The following RAB6B variants were observed in gnomAD, a reference collection of about 807,000 sequenced individuals.
RAB6B encodes the protein ras-related protein Rab-6B.
A neutral mutation model predicts 31.2 loss-of-function variants in RAB6B; 7 were observed. The ratio of observed to expected loss-of-function variants is 0.22; its 90% confidence interval spans 0.13 to 0.42. RAB6B has a LOEUF of 0.42. RAB6B is among the 10% of genes least tolerant of loss of function. The probability of loss-of-function intolerance (pLI) is 1.00; values close to 1 mark genes in which losing one functional copy is unlikely to be tolerated. For missense variants in RAB6B, 149 were observed against 280.6 expected (o/e 0.53, Z 3.35); for synonymous variants, 105 against 104.9 (o/e 1.00, Z -0.01).
intron 2 of RAB6B, among the ~76,000 whole-genome samples, chr3:133,855,433 T>G (rs1377969170): frequency 6.6e-6 from 1 of 152,252 alleles, no homozygotes; most frequent in Non-Finnish European, 1.5e-5. Flanking sequence ...ACCACCCAAT[T>G]TAAATATGTG....
At chr3:133,862,873 G>A (rs1403273814) in intron 2 of RAB6B, among the ~76,000 whole-genome samples, 5 of 152,118 alleles carry the variant, frequency 3.3e-5, no homozygotes, top group South Asian at 2.1e-4. Flanking sequence ...TTTTCAATGG[G>A]ACACTAACAA....
chr3:133,851,249 G>A (rs1293526861), intron 2 of RAB6B, among the ~76,000 whole-genome samples: 1 of 152,226 alleles, frequency 6.6e-6, no homozygotes, highest in Non-Finnish European at 1.5e-5. Context: ...GTAAATACAT[G>A]CATGGGTCAA....
At chr3:133,884,907 G>A (rs1321819378) in intron 1 of RAB6B, among the ~76,000 whole-genome samples, 6 of 117,474 alleles carry the variant, frequency 5.1e-5, no homozygotes, top group Non-Finnish European at 1.7e-5. Flanking sequence ...AGGACGGGGG[G>A]GCTTATATAT....
At chr3:133,864,486 G>T (rs1016762156) in intron 2 of RAB6B, 98 bp downstream of exon 2, 34 of 1,238,592 alleles carry the variant, frequency 2.7e-5, no homozygotes, top group Middle Eastern at 2.0e-4. Flanking sequence ...GACAGCCTGG[G>T]AACCCAGGGC....
At chr3:133,842,750 C>G (rs765519969) in intron 2 of RAB6B, among the ~76,000 whole-genome samples, 2 of 152,246 alleles carry the variant, frequency 1.3e-5, no homozygotes, top group Non-Finnish European at 2.9e-5. Flanking sequence ...AGGGAATCTG[C>G]TAACATGTTA....
chr3:133,885,283 C>T lies in RAB6B; in HGVS notation c.70+10114G>A, dbSNP rs1369808430. Among the ~76,000 whole-genome samples the T allele has an allele frequency of 2.7e-5, 4 of 147,198 alleles. No homozygotes were observed. The East Asian group carries it at 8.2e-4, about 30-fold the overall frequency. On this transcript the variant is annotated intron_variant, in intron 1 of 7. Transcript: ENST00000285208. ...CAATGACCAGAGGAGGGAGGGCTCA[C>T]ATACCCAATGACCAGAGTATAGGGG...
chr3:133,829,232 C>G (rs1417444861), intron 7 of RAB6B, among the ~76,000 whole-genome samples: 1 of 152,220 alleles, frequency 6.6e-6, no homozygotes, highest in Admixed American at 6.5e-5. Flanking sequence ...AGATGAAGAG[C>G]CTGCTGGGTT....
chr3:133,853,135 G>T (rs568425809), intron 2 of RAB6B, among the ~76,000 whole-genome samples: 40 of 152,194 alleles, frequency 2.6e-4, no homozygotes, highest in African/African-American at 9.6e-4. Flanking sequence ...CCTGAAAAAG[G>T]CCCCAGCAAC....
Position 133,824,442 on chromosome 3 carries a change from A to AGAT in RAB6B, c.*4343_*4345dup, listed in dbSNP as rs1272111146. ...AGGGGAGAAGTGGACACACACCGCG[A>AGAT]GATGCAGGCTGGCCTTCAATGCTAT... On this transcript the variant is annotated 3_prime_UTR_variant, in exon 8 of 8. Coordinates refer to ENST00000285208, the MANE Select transcript of RAB6B (RefSeq NM_016577.4). 6.6e-6 allele frequency: 1 copy of AGAT among 152,212 alleles called. No individual in the cohort carries two copies. Among genetic ancestry groups the AGAT allele is most frequent in the Non-Finnish European group, 1.5e-5 (1 of 68,066 alleles). 9.4% of individuals were successfully genotyped at this position (152,212 alleles called of 1,614,324 possible).
At chr3:133,851,237 T>C (rs1935979920) in intron 2 of RAB6B, among the ~76,000 whole-genome samples, 1 of 152,176 alleles carries the variant, frequency 6.6e-6, no homozygotes, top group South Asian at 2.1e-4. Flanking sequence ...GCATCAGAAA[T>C]GGTAAATACA....
At position 133,864,646 on chromosome 3, in the gene RAB6B, C is replaced by A. The variant is rs764066504; in HGVS notation, c.71-4G>T. 2 of 1,613,730 alleles carry A rather than the reference C, an allele frequency of 1.2e-6. No individual in the cohort carries two copies. The highest frequency in any genetic ancestry group is 8.5e-7 in the Non-Finnish European group (1 of 1,179,604). Reference sequence around the variant, plus strand: ...GTAATCAGAGACGTCTTCCCGACTGCAAAACAACAAGGAGAGAGGTGTTCA... The same window carrying A: ...GTAATCAGAGACGTCTTCCCGACTGAAAAACAACAAGGAGAGAGGTGTTCA... On this transcript the variant is annotated splice_region_variant and splice_polypyrimidine_tract_variant and intron_variant, in intron 1 of 7. Coordinates refer to ENST00000285208, the MANE Select transcript of RAB6B (RefSeq NM_016577.4).
At chr3:133,837,997 G>A (rs1395715223) in intron 6 of RAB6B, among the ~76,000 whole-genome samples, 169 bp downstream of exon 6, 2 of 152,154 alleles carry the variant, frequency 1.3e-5, no homozygotes, top group African/African-American at 4.8e-5. Flanking sequence ...GGCTTTACCA[G>A]CTCCGGAAAT....
rs1336599455 is a variant in RAB6B, at chr3:133,824,268, A to C, written c.*4520T>G. The C allele has an allele frequency of 6.6e-6, 1 of 152,234 alleles. No homozygotes were observed. The highest frequency in any genetic ancestry group is 1.5e-5 in the Non-Finnish European group (1 of 68,038). 9.4% of individuals were successfully genotyped at this position (152,234 alleles called of 1,614,324 possible). On this transcript the variant is annotated 3_prime_UTR_variant, in exon 8 of 8. Transcript: ENST00000285208. ...GAGAATTAGGACAGTTTATTGTTTG[A>C]CCAACATGCTGAGTCTTTTCCACAT... is the stretch of plus-strand genomic sequence containing the variant.
At chr3:133,834,449 C>A (rs1935702519) in intron 7 of RAB6B, 126 bp downstream of exon 7, 2 of 1,024,598 alleles carry the variant, frequency 2.0e-6, no homozygotes, top group South Asian at 2.6e-5. Flanking sequence ...AGGCCCCGTG[C>A]CATTCGCGGC....
rs1026860499 is a variant in RAB6B, at chr3:133,895,733, G to C, written c.-267C>G. The C allele has an allele frequency of 2.0e-6, 1 of 487,876 alleles. No individual in the cohort carries two copies. Among genetic ancestry groups the C allele is most frequent in the East Asian group, 3.6e-5 (1 of 27,546 alleles). The allele number at this position is 487,876 out of a possible 1,614,324, so 30.2% of individuals were successfully genotyped here. ...GTCGGCACTGGCTGCGGTGCGAGGG[G>C]CGCGCTCTTTACGCCCGAGGCGCGG... On this transcript the variant is annotated 5_prime_UTR_variant, in exon 1 of 8. Transcript: ENST00000285208.
At chr3:133,894,235 A>T (rs1184732787) in intron 1 of RAB6B, among the ~76,000 whole-genome samples, 1 of 152,218 alleles carries the variant, frequency 6.6e-6, no homozygotes, top group Non-Finnish European at 1.5e-5. Flanking sequence ...CCGCAAGGAC[A>T]GCCTTCTCCC....
chr3:133,879,831 G>C (rs1917780), intron 1 of RAB6B, among the ~76,000 whole-genome samples: 63,001 of 152,130 alleles, frequency 0.41, 14,198 homozygotes, highest in African/African-American at 0.6. Context: ...AAGAGCAGCA[G>C]CAGCACCAGC....
chr3:133,883,543 T>C (rs1477950524), intron 1 of RAB6B, among the ~76,000 whole-genome samples: 3 of 152,142 alleles, frequency 2.0e-5, no homozygotes, highest in South Asian at 4.1e-4. Flanking sequence ...TAGGAAGCAG[T>C]GTCTGTGAGC....
Position 133,895,362 on chromosome 3 carries a change from C to T in RAB6B, c.70+35G>A, listed in dbSNP as rs1001843204. 4 of 1,601,328 alleles carry T rather than the reference C, an allele frequency of 2.5e-6. No individual in the cohort carries two copies. In the African/African-American group the frequency reaches 5.4e-5, roughly 22 times the overall value. On this transcript the variant is annotated intron_variant, in intron 1 of 7. Coordinates refer to ENST00000285208, the MANE Select transcript of RAB6B (RefSeq NM_016577.4). Reference sequence around the variant, plus strand: ...GGCGATTGGGCGGCGGGGGTCGACTCGGCGACAAGCCAAGAGATTAAGCCG... The same window carrying T: ...GGCGATTGGGCGGCGGGGGTCGACTTGGCGACAAGCCAAGAGATTAAGCCG...
Sources: allele counts gnomAD v4.1 joint callset (sites outside exome capture counted in the v4.1 genomes callset), GRCh38; gene constraint gnomAD v4.1.1; transcripts MANE v1.5; gene names NCBI Gene and HGNC (gene_info 2026-07-23, HGNC 2026-07-21).